Variants in DNER observed in about 807,000 individuals in gnomAD.
DNER encodes the protein delta/notch like EGF repeat containing, also known as delta and Notch-like epidermal growth factor-related receptor.
In DNER, 33 loss-of-function variants were observed where a neutral mutation model predicts 78.2. That is an observed-to-expected ratio of 0.42 (90% confidence interval 0.32 to 0.56). The LOEUF is 0.56. Among genes scored for constraint, DNER ranks in the 20% least tolerant of loss-of-function variants. DNER has a pLI of 0.11. For synonymous variants in DNER, 417 were observed against 384.8 expected (o/e 1.08, Z -0.98); for missense variants, 918 against 975.3 (o/e 0.94, Z 0.78).
At chr2:229,709,445 T>C (rs1699878868) in intron 1 of DNER, among the ~76,000 whole-genome samples, 1 of 152,134 alleles carries the variant, frequency 6.6e-6, no homozygotes, top group African/African-American at 2.4e-5. Context: ...CTATTCAACA[T>C]TTTGTACATA....
At chr2:229,493,106 A>C (rs1268219611) in intron 6 of DNER, among the ~76,000 whole-genome samples, 1 of 152,210 alleles carries the variant, frequency 6.6e-6, no homozygotes, top group Non-Finnish European at 1.5e-5. Context: ...ATTTCAAACC[A>C]ACAACGCAAA....
intron 7 of DNER, among the ~76,000 whole-genome samples, chr2:229,467,155 A>AT (rs1159748736): frequency 6.6e-6 from 1 of 152,186 alleles, no homozygotes; most frequent in African/African-American, 2.4e-5. Context: ...AGGGTAGGCT[A>AT]TTTGGGAGTA....
chr2:229,622,741 A>T (rs1698271037), intron 1 of DNER, among the ~76,000 whole-genome samples: 1 of 152,174 alleles, frequency 6.6e-6, no homozygotes. Context: ...GAAGAGAAGA[A>T]GAGACAGAGA....
chr2:229,453,507 G>T (rs1009034077), intron 7 of DNER, among the ~76,000 whole-genome samples: 3 of 152,184 alleles, frequency 2.0e-5, no homozygotes, highest in Admixed American at 1.3e-4. Context: ...TTCATCATAG[G>T]TATACATGAC....
At chr2:229,635,163 C>T (rs968721461) in intron 1 of DNER, among the ~76,000 whole-genome samples, 9 of 152,198 alleles carry the variant, frequency 5.9e-5, no homozygotes, top group Non-Finnish European at 1.0e-4. Flanking sequence ...TTCCCCTCTC[C>T]CCATGCCTGT....
Position 229,622,747 on chromosome 2 carries a change from A to G in DNER, c.277-30859T>C, listed in dbSNP as rs920602858. Among the ~76,000 whole-genome samples, 4 of 152,322 alleles carry G rather than the reference A, an allele frequency of 2.6e-5. 1 individual carries two copies. The highest frequency in any genetic ancestry group is 4.1e-4 in the South Asian group (2 of 4,820). ...TCCTTATAAGAAGAGAAGAAGAGAC[A>G]GAGACACAGAAGCTGGAGACAGACA... On this transcript the variant is annotated intron_variant, in intron 1 of 12. Transcript: ENST00000341772.
intron 1 of DNER, among the ~76,000 whole-genome samples, chr2:229,684,163 AGAGAGAGTGTGTGTGTGTGT>A (rs1699441345): frequency 7.7e-6 from 1 of 130,362 alleles, no homozygotes; most frequent in African/African-American, 3.0e-5. Flanking sequence ...AGAGAGAGAG[AGAGAGAGTGTGTGTGTGTGT>A]GTGTGTGTGT....
At chr2:229,542,841 C>T (rs1696542729) in intron 5 of DNER, among the ~76,000 whole-genome samples, 1 of 152,004 alleles carries the variant, frequency 6.6e-6, no homozygotes, top group South Asian at 2.1e-4. Flanking sequence ...TCAAGTCCCC[C>T]CAGACATTTC....
intron 1 of DNER, among the ~76,000 whole-genome samples, chr2:229,686,638 T>C (rs1250885770): frequency 6.6e-6 from 1 of 152,018 alleles, no homozygotes; most frequent in Admixed American, 6.6e-5. Context: ...CTTCTGCTGC[T>C]CCTCCATGAG....
chr2:229,516,632 A>G (rs1695977208), intron 5 of DNER, among the ~76,000 whole-genome samples: 1 of 152,054 alleles, frequency 6.6e-6, no homozygotes, highest in African/African-American at 2.4e-5. Context: ...CATTAATGAA[A>G]CTTTCTCAGT....
chr2:229,538,210 A>G (rs1195864473), intron 5 of DNER, among the ~76,000 whole-genome samples: 9 of 152,244 alleles, frequency 5.9e-5, no homozygotes, highest in Non-Finnish European at 1.2e-4. Flanking sequence ...AAATCTGTGG[A>G]AGAGATCACC....
Position 229,477,034 on chromosome 2 carries a change from A to G in DNER, c.1261+106T>C, listed in dbSNP as rs6709956. ...TGTTTTATAAATCAAACAAAACAGG[A>G]AGTTCTCTTGTGTAGAGTTTTGCAG... On this transcript the variant is annotated intron_variant, in intron 7 of 12. Coordinates refer to ENST00000341772, the MANE Select transcript of DNER (RefSeq NM_139072.4). 1,191 of 832,380 alleles carry G rather than the reference A, an allele frequency of 1.4e-3. 12 individuals carry two copies. In the African/African-American group the frequency reaches 0.019, roughly 13 times the overall value. 51.6% of individuals were successfully genotyped at this position (832,380 alleles called of 1,614,324 possible).
At chr2:229,409,281 C>T (rs12999879) in intron 9 of DNER, among the ~76,000 whole-genome samples, 45,278 of 152,070 alleles carry the variant, frequency 0.3, 6,866 homozygotes, top group South Asian at 0.36. Context: ...CAAGTTCCCA[C>T]TGGGCTGATC....
chr2:229,441,554 G>A (rs987376624), intron 8 of DNER, among the ~76,000 whole-genome samples: 3 of 152,132 alleles, frequency 2.0e-5, no homozygotes, highest in African/African-American at 7.2e-5. Context: ...TCAGAAAGCA[G>A]GAGCAATTCT....
rs181910889 is a variant in DNER at position 229,551,633 on chromosome 2, T to A, written c.848-4541A>T. On this transcript the variant is annotated intron_variant, in intron 4 of 12. Coordinates refer to ENST00000341772, the MANE Select transcript of DNER (RefSeq NM_139072.4). ...TGGGCAACAAGAGTGAAACCCCGTT[T>A]AAAAAAAAACATAAATAAGGAAGGG... is the stretch of plus-strand genomic sequence containing the variant. 4.2e-5 allele frequency among the ~76,000 whole-genome samples: 6 copies of A among 143,618 alleles called. No homozygotes were observed. In the East Asian group the frequency reaches 1.3e-3, roughly 30 times the overall value. The allele number at this position is 143,618 out of a possible 152,430, so 94.2% of individuals were successfully genotyped here. A position where few individuals can be genotyped will look rare whatever the true frequency, so the allele number is the denominator to read the frequency against.
intron 7 of DNER, among the ~76,000 whole-genome samples, chr2:229,464,271 C>T (rs1035076406): frequency 5.9e-5 from 9 of 152,182 alleles, no homozygotes; most frequent in African/African-American, 2.2e-4. Context: ...AAATCATCAG[C>T]TGTAAAAGAC....
At chr2:229,639,812 G>T (rs1698586204) in intron 1 of DNER, among the ~76,000 whole-genome samples, 1 of 152,204 alleles carries the variant, frequency 6.6e-6, no homozygotes, top group South Asian at 2.1e-4. Flanking sequence ...CCAGGATGCA[G>T]CGAAGAACCC....
intron 5 of DNER, among the ~76,000 whole-genome samples, chr2:229,521,868 T>C (rs1296554466): frequency 1.3e-5 from 2 of 152,232 alleles, no homozygotes; most frequent in Non-Finnish European, 2.9e-5. Context: ...TAAATTCTTG[T>C]CTTTTGGCTG....
Position 229,586,028 on chromosome 2 carries a change from G to T in DNER, c.681-4C>A. ...GGCAGTGGCATCTTGCCGAATCCTG[G>T]AAACAGGAATGATGTAAACAGAAAG... On this transcript the variant is annotated splice_polypyrimidine_tract_variant and splice_region_variant and intron_variant, in intron 3 of 12. Transcript: ENST00000341772. 1 of 1,607,948 alleles carries T rather than the reference G, an allele frequency of 6.2e-7. No homozygotes were observed. The highest frequency in any genetic ancestry group is 8.5e-7 in the Non-Finnish European group (1 of 1,177,480).
Sources: gnomAD v4.1 joint callset for allele counts (sites outside exome capture counted in the v4.1 genomes callset) on GRCh38, gnomAD v4.1.1 for gene constraint, MANE v1.5 for transcripts, NCBI Gene and HGNC (gene_info 2026-07-23, HGNC 2026-07-21) for gene names.